PICK1: variants seen among roughly 807,000 people sequenced by gnomAD.
PICK1 encodes protein interacting with PRKCA 1, also known as PRKCA-binding protein.
A neutral mutation model predicts 48.9 loss-of-function variants in PICK1; 23 were observed. The observed-to-expected ratio is 0.47, with a 90% confidence interval of 0.34 to 0.67. The LOEUF is 0.67. Ranked by LOEUF, PICK1 falls within the 30% of genes least tolerant of loss-of-function variation. The pLI is 0.01. For missense variants in PICK1, 423 were observed against 557.1 expected (o/e 0.76, Z 2.42); for synonymous variants, 217 against 228.2 (o/e 0.95, Z 0.44).
At chr22:38,068,194 A>C in intron 5 of PICK1, 1 of 454,794 alleles carries the variant, frequency 2.2e-6, no homozygotes, top group Non-Finnish European at 4.5e-6. Context: ...TCCTGCCATC[A>C]GCTCCCAGGG....
intron 3 of PICK1, among the ~76,000 whole-genome samples, chr22:38,061,267 G>A (rs1478842917): frequency 6.6e-6 from 1 of 152,082 alleles, no homozygotes; most frequent in Admixed American, 6.5e-5. Flanking sequence ...CTTGAACCCG[G>A]GAGATGGTGG....
chr22:38,059,424 C>T, intron 3 of PICK1, 79 bp downstream of exon 3: 1 of 942,580 alleles, frequency 1.1e-6, no homozygotes, highest in Non-Finnish European at 1.7e-6. Flanking sequence ...CTCCACACTG[C>T]ATAGCTGACT....
At position 38,073,995 on chromosome 22, in the gene PICK1, A is replaced by G. The variant is rs1601960319; in HGVS notation, c.834+172A>G. On this transcript the variant is annotated intron_variant, in intron 11 of 12. Coordinates refer to ENST00000356976, the MANE Select transcript of PICK1 (RefSeq NM_012407.4). The surrounding 1 kb of genome is among the most constrained non-coding windows in gnomAD (Gnocchi z 5.7). ...CTCGCTGGGCCTCGGGGTGCTGGGC[A>G]CCCGGCCGGGAACCACTCCCTCAGT... 1 of 699,940 alleles carries G rather than the reference A, an allele frequency of 1.4e-6. No homozygotes were observed. Among genetic ancestry groups the G allele is most frequent in the Non-Finnish European group, 2.5e-6 (1 of 407,402 alleles). The allele number at this position is 699,940 out of a possible 1,614,324, so 43.4% of individuals were successfully genotyped here.
Position 38,071,680 on chromosome 22 carries a change from A to G in PICK1, c.494-2A>G. The G allele has an allele frequency of 6.2e-7, 1 of 1,613,216 alleles. No homozygotes were observed. The highest frequency in any genetic ancestry group is 1.1e-5 in the South Asian group (1 of 91,082). ...TTCCGCATCACTCGGTCTCTCCCAC[A>G]GGGATGACGGAACACACCAAGAACC... On this transcript the variant is annotated splice_acceptor_variant, in intron 7 of 12. Coordinates refer to ENST00000356976, the MANE Select transcript of PICK1 (RefSeq NM_012407.4). LOFTEE classifies it high-confidence loss of function.
chr22:38,075,214 G>T lies in PICK1; in HGVS notation c.*82G>T, dbSNP rs1160666582. 2.2e-5 allele frequency: 31 copies of T among 1,400,406 alleles called. No homozygotes were observed. In the Admixed American group the frequency reaches 4.5e-4, roughly 20 times the overall value. 86.7% of individuals were successfully genotyped at this position (1,400,406 alleles called of 1,614,324 possible). Reference sequence around the variant, plus strand: ...CGGGGCGGGGCCGCCGCGCAAGGGGGCGACGCATAAAGGCCTGCTGGCTTG... The same window carrying T: ...CGGGGCGGGGCCGCCGCGCAAGGGGTCGACGCATAAAGGCCTGCTGGCTTG... On this transcript the variant is annotated 3_prime_UTR_variant, in exon 13 of 13. Transcript: ENST00000356976.
In PICK1 at chr22:38,074,293, C is replaced by A; in HGVS notation, c.835-14C>A. On this transcript the variant is annotated splice_polypyrimidine_tract_variant and intron_variant, in intron 11 of 12. Coordinates refer to ENST00000356976, the MANE Select transcript of PICK1 (RefSeq NM_012407.4). This position sits in a 1 kb window ranked among gnomAD's most constrained non-coding sequence, Gnocchi z 4.5. ...CGTCCCTGAGCAGGCACTCCTGTCCCACCCCCGCCCCAGGCCCTAGGCGAG... is the reference window on the plus strand; with the variant it reads ...CGTCCCTGAGCAGGCACTCCTGTCCAACCCCCGCCCCAGGCCCTAGGCGAG... The A allele has an allele frequency of 1.9e-6, 3 of 1,611,550 alleles. No homozygotes were observed. The highest frequency in any genetic ancestry group is 2.5e-6 in the Non-Finnish European group (3 of 1,178,958).
At chr22:38,062,250 CT>C (rs58816852) in intron 3 of PICK1, among the ~76,000 whole-genome samples, 132,194 of 133,834 alleles carry the variant, frequency 0.99, 65,291 homozygotes, top group Middle Eastern at 1. Context: ...AATTTCCCAT[CT>C]TTTTTTTTTT....
chr22:38,073,900 C>A lies in PICK1; in HGVS notation c.834+77C>A. 7.1e-7 allele frequency: 1 copy of A among 1,407,118 alleles called. No individual in the cohort carries two copies. Among genetic ancestry groups the A allele is most frequent in the Non-Finnish European group, 1.0e-6 (1 of 992,604 alleles). 87.2% of individuals were successfully genotyped at this position (1,407,118 alleles called of 1,614,324 possible). On this transcript the variant is annotated intron_variant, in intron 11 of 12. Transcript: ENST00000356976. This position sits in a 1 kb window ranked among gnomAD's most constrained non-coding sequence, Gnocchi z 5.7. ...AGGGATAGCAGGTGGCTCAGGCCAA[C>A]CCGGGAGAGACCGGGGGGACTTGGC...
chr22:38,074,067 G>A lies in PICK1; in HGVS notation c.835-240G>A. On this transcript the variant is annotated intron_variant, in intron 11 of 12. Transcript: ENST00000356976. This position sits in a 1 kb window ranked among gnomAD's most constrained non-coding sequence, Gnocchi z 4.5. ...ATCGGATTTTCTTCACTCCTATGAG[G>A]CGCTTTTAAGTGTTTGATTTTTCTG... 1.6e-6 allele frequency: 1 copy of A among 627,734 alleles called. No homozygotes were observed. Among genetic ancestry groups the A allele is most frequent in the Non-Finnish European group, 2.8e-6 (1 of 359,466 alleles). The allele number at this position is 627,734 out of a possible 1,614,324, so 38.9% of individuals were successfully genotyped here.
rs1393471162 is a variant in PICK1 at position 38,059,298 on chromosome 22, A to G, written c.106A>G (p.Ser36Gly). The change falls in exon 3 of 13, where the codon AGC becomes GGC. Residue 36 changes from serine (S) to glycine (G), a missense_variant. Around this residue, in one of 2 missense-constraint regions of PICK1, gnomAD observed 279 missense variants for 417.8 expected, o/e 0.67. Coordinates refer to ENST00000356976, the MANE Select transcript of PICK1 (RefSeq NM_012407.4). The part of the protein sequence containing the change: ...QKDAQNLIGI[S>G]IGGGAQYCPC... ...GGATGCTCAGAACCTGATCGGGATC[A>G]GCATTGGAGGAGGGGCCCAGTACTG... The G allele has an allele frequency of 6.3e-7, 1 of 1,576,706 alleles. No homozygotes were observed. Among genetic ancestry groups the G allele is most frequent in the East Asian group, 2.3e-5 (1 of 42,636 alleles).
chr22:38,070,296 G>A (rs2085645661), intron 6 of PICK1, among the ~76,000 whole-genome samples: 1 of 152,256 alleles, frequency 6.6e-6, no homozygotes, highest in East Asian at 1.9e-4. Flanking sequence ...CTTCTCTGCT[G>A]GGCTTTCAGC....
chr22:38,061,748 T>G (rs1351032791), intron 3 of PICK1, among the ~76,000 whole-genome samples: 1 of 152,176 alleles, frequency 6.6e-6, no homozygotes, highest in Non-Finnish European at 1.5e-5. Context: ...CTCAAACTCT[T>G]GGGTTCAAGT....
chr22:38,072,754 C>A, intron 9 of PICK1, 144 bp downstream of exon 9: 3 of 1,275,168 alleles, frequency 2.4e-6, no homozygotes, highest in Non-Finnish European at 2.3e-6. Context: ...GTGGGTGAGT[C>A]ACTGTGCCCC....
intron 3 of PICK1, among the ~76,000 whole-genome samples, chr22:38,064,051 A>T (rs936447877): frequency 6.6e-6 from 1 of 151,652 alleles, no homozygotes; most frequent in African/African-American, 2.4e-5. Context: ...ATTTTGAGTT[A>T]ATTATTATTA....
chr22:38,059,483 C>G (rs1246161177), intron 3 of PICK1, 138 bp downstream of exon 3: 1 of 695,368 alleles, frequency 1.4e-6, no homozygotes, highest in East Asian at 2.7e-5. Flanking sequence ...TTCTGACCAC[C>G]TGCGCTGCGT....
At position 38,069,223 on chromosome 22, in the gene PICK1, G is replaced by A. The variant is rs939651537; in HGVS notation, c.439+101G>A. The stretch of plus-strand genomic sequence containing the variant: ...CCCACCAAGCTGCTGTGGGTCCCGC[G>A]GGTCTGACCCTGGCCTCTGCCCGTG... On this transcript the variant is annotated intron_variant, in intron 6 of 12. Coordinates refer to ENST00000356976, the MANE Select transcript of PICK1 (RefSeq NM_012407.4). 122 of 848,158 alleles carry A rather than the reference G, an allele frequency of 1.4e-4. No individual in the cohort carries two copies. In the African/African-American group the frequency reaches 1.7e-3, roughly 12 times the overall value. 52.5% of individuals were successfully genotyped at this position (848,158 alleles called of 1,614,324 possible). A position where few individuals can be genotyped will look rare whatever the true frequency, so the allele number is the denominator to read the frequency against.
intron 7 of PICK1, among the ~76,000 whole-genome samples, 196 bp downstream of exon 7, chr22:38,071,087 C>T (rs1416052253): frequency 2.0e-5 from 3 of 152,232 alleles, no homozygotes; most frequent in Non-Finnish European, 4.4e-5. Flanking sequence ...TGGCTCACGC[C>T]TGTAATCCCA....
rs1256041302 is a variant in PICK1 at position 38,074,185 on chromosome 22, T to C, written c.835-122T>C. 8.1e-7 allele frequency: 1 copy of C among 1,235,356 alleles called. No individual in the cohort carries two copies. The highest frequency in any genetic ancestry group is 1.2e-6 in the Non-Finnish European group (1 of 862,174). 76.5% of individuals were successfully genotyped at this position (1,235,356 alleles called of 1,614,324 possible). On this transcript the variant is annotated intron_variant, in intron 11 of 12. Transcript: ENST00000356976. The surrounding 1 kb of genome is among the most constrained non-coding windows in gnomAD (Gnocchi z 4.5). The stretch of plus-strand genomic sequence containing the variant: ...CTCTTCAAAGCTATCACTGAGTGCT[T>C]CTGAGAAACACTGAAGTCTCAGAAA...
In PICK1 at chr22:38,075,325, C is replaced by T. The variant is rs1569206473; in HGVS notation, c.*193C>T. 14 of 598,766 alleles carry T rather than the reference C, an allele frequency of 2.3e-5. No homozygotes were observed. The highest frequency in any genetic ancestry group is 1.7e-5 in the Non-Finnish European group (6 of 343,622). The allele number at this position is 598,766 out of a possible 1,614,324, so 37.1% of individuals were successfully genotyped here. A position where few individuals can be genotyped will look rare whatever the true frequency, so the allele number is the denominator to read the frequency against. On this transcript the variant is annotated 3_prime_UTR_variant, in exon 13 of 13. Coordinates refer to ENST00000356976, the MANE Select transcript of PICK1 (RefSeq NM_012407.4). ...AGGCACCAGGGTCATGGCCTGGGAC[C>T]TGGACACTGGCCCCTCCACCCTCCC... is the stretch of plus-strand genomic sequence containing the variant.
Sources: allele counts gnomAD v4.1 joint callset (sites outside exome capture counted in the v4.1 genomes callset), GRCh38; gene constraint gnomAD v4.1.1; regional missense constraint gnomAD v4.1.1; non-coding constraint Gnocchi (gnomAD v3.1); transcripts MANE v1.5; gene names NCBI Gene and HGNC (gene_info 2026-07-23, HGNC 2026-07-21).